Variants in NAALADL2 observed in about 807,000 individuals in gnomAD.
The protein encoded by NAALADL2 is inactive N-acetylated-alpha-linked acidic dipeptidase-like protein 2.
In NAALADL2, 76 loss-of-function variants were observed where a neutral mutation model predicts 87.2. The observed-to-expected ratio is 0.87, with a 90% CI of 0.72 to 1.05. The LOEUF is 1.05. Ranked by LOEUF, NAALADL2 falls within the 50% of genes least tolerant of loss-of-function variation. NAALADL2 has a pLI of 0.00. For missense variants in NAALADL2, 1,089 were observed against 945.8 expected, an observed-to-expected ratio of 1.15 and a Z score of -1.99; for synonymous variants, 354 against 331.0, an observed-to-expected ratio of 1.07 and a Z score of -0.75.
chr3:175,182,367 C>T (rs1001418680), intron 2 of NAALADL2, among the ~76,000 whole-genome samples: 1 of 151,538 alleles, frequency 6.6e-6, no homozygotes, highest in Non-Finnish European at 1.5e-5. Flanking sequence ...TTAATTGTTT[C>T]TTTTTTGTGC....
chr3:175,741,252 G>T (rs145983070), intron 12 of NAALADL2, among the ~76,000 whole-genome samples: 16 of 152,108 alleles, frequency 1.1e-4, no homozygotes, highest in African/African-American at 3.4e-4. Flanking sequence ...TTCACTTCCC[G>T]GTTCAAAGAT....
chr3:175,375,376 A>G (rs988723784), intron 5 of NAALADL2, among the ~76,000 whole-genome samples: 3 of 152,162 alleles, frequency 2.0e-5, no homozygotes, highest in South Asian at 2.1e-4. Context: ...TTTGGAGATG[A>G]CTGAAATACA....
intron 2 of NAALADL2, among the ~76,000 whole-genome samples, chr3:175,132,112 T>G (rs1451918374): frequency 1.0e-5 from 1 of 99,456 alleles, no homozygotes; most frequent in Non-Finnish European, 2.1e-5. Context: ...CCCGCCCGGA[T>G]GGGGCGGCTG....
chr3:174,821,811 A>C (rs575955303), intron 3 of NAALADL2, among the ~76,000 whole-genome samples: 1 of 152,306 alleles, frequency 6.6e-6, no homozygotes, highest in East Asian at 1.9e-4. Flanking sequence ...TGGGTTAACT[A>C]TCCAGATTGA....
chr3:175,542,190 C>G (rs1182182399), intron 9 of NAALADL2, among the ~76,000 whole-genome samples: 1 of 152,094 alleles, frequency 6.6e-6, no homozygotes, highest in African/African-American at 2.4e-5. Context: ...TACAAGTGAT[C>G]TCTTGCATAA....
intron 3 of NAALADL2, among the ~76,000 whole-genome samples, chr3:174,754,678 G>A (rs935389558): frequency 7.9e-5 from 12 of 151,944 alleles, no homozygotes; most frequent in African/African-American, 2.9e-4. Context: ...TGATTTGCTT[G>A]CTTAACATTA....
At chr3:175,100,986 G>A (rs1722059187) in intron 2 of NAALADL2, among the ~76,000 whole-genome samples, 1 of 152,014 alleles carries the variant, frequency 6.6e-6, no homozygotes, top group Non-Finnish European at 1.5e-5. Context: ...TGTGTTCAGA[G>A]GCCTGGGGGT....
intron 4 of NAALADL2, among the ~76,000 whole-genome samples, chr3:175,307,139 A>G (rs562328006): frequency 6.6e-6 from 1 of 152,292 alleles, no homozygotes; most frequent in South Asian, 2.1e-4. Flanking sequence ...ATCTGTAACC[A>G]TAGAAAAATC....
chr3:175,476,037 T>C (rs1222660114), intron 9 of NAALADL2, among the ~76,000 whole-genome samples: 1 of 152,210 alleles, frequency 6.6e-6, no homozygotes, highest in Admixed American at 6.5e-5. Flanking sequence ...GTTGTTGTAG[T>C]TGTAGTCGTT....
chr3:174,656,356 T>C (rs912689345), intron 2 of NAALADL2, among the ~76,000 whole-genome samples: 1 of 152,182 alleles, frequency 6.6e-6, no homozygotes, highest in Non-Finnish European at 1.5e-5. Flanking sequence ...ACAGACACTC[T>C]AGTATGACTG....
At chr3:175,525,436 C>A (rs1733256112) in intron 9 of NAALADL2, among the ~76,000 whole-genome samples, 1 of 152,112 alleles carries the variant, frequency 6.6e-6, no homozygotes, top group African/African-American at 2.4e-5. Flanking sequence ...GTGGACACAT[C>A]TAATGGGAAT....
chr3:174,805,770 A>G (rs1398079638), intron 3 of NAALADL2, among the ~76,000 whole-genome samples: 1 of 152,168 alleles, frequency 6.6e-6, no homozygotes, highest in Admixed American at 6.6e-5. Context: ...GATTACACTC[A>G]CAATTTGAAA....
chr3:175,546,819 T>C (rs1300113746), intron 9 of NAALADL2, among the ~76,000 whole-genome samples: 1 of 152,052 alleles, frequency 6.6e-6, no homozygotes, highest in African/African-American at 2.4e-5. Context: ...ATTTCAACCT[T>C]AGATAATCTG....
intron 2 of NAALADL2, among the ~76,000 whole-genome samples, chr3:174,706,596 C>A (rs1318309279): frequency 6.6e-6 from 1 of 152,148 alleles, no homozygotes; most frequent in Non-Finnish European, 1.5e-5. Context: ...TGCCTGTGCA[C>A]TCTGATGGTA....
chr3:174,700,703 T>C (rs1341636742), intron 2 of NAALADL2, among the ~76,000 whole-genome samples: 2 of 152,106 alleles, frequency 1.3e-5, no homozygotes, highest in Non-Finnish European at 2.9e-5. Context: ...AGTCAGATAA[T>C]ATACAGTAAG....
intron 8 of NAALADL2, 51 bp downstream of exon 8, chr3:175,467,235 A>G (rs1011098998): frequency 2.2e-5 from 32 of 1,460,226 alleles, no homozygotes; most frequent in Non-Finnish European, 3.0e-5. Context: ...TTAGTTTGCT[A>G]AAGTAGACAA....
chr3:174,652,506 A>G (rs1020078308), intron 2 of NAALADL2, among the ~76,000 whole-genome samples: 37 of 152,096 alleles, frequency 2.4e-4, no homozygotes, highest in Non-Finnish European at 1.8e-4. Context: ...GGCATGTCTT[A>G]CATGGCAGCA....
chr3:175,342,428 C>T (rs2148842765), intron 5 of NAALADL2, among the ~76,000 whole-genome samples: 1 of 151,950 alleles, frequency 6.6e-6, no homozygotes, highest in African/African-American at 2.4e-5. Flanking sequence ...AGGTAGTGAG[C>T]ATTATTAAAG....
At position 175,356,291 on chromosome 3, in the gene NAALADL2, A is replaced by C. The variant is rs369795350; in HGVS notation, c.1090+31966A>C. ...CAATTGCCTTCAGCCCCAAAGAAAAAAATAATATCCACCGGGCAAGGTGGC... is the reference window on the plus strand; with the variant it reads ...CAATTGCCTTCAGCCCCAAAGAAAACAATAATATCCACCGGGCAAGGTGGC... On this transcript the variant is annotated intron_variant, in intron 5 of 13. Transcript: ENST00000454872. 7.9e-5 allele frequency among the ~76,000 whole-genome samples: 12 copies of C among 152,268 alleles called. No homozygotes were observed. In the South Asian group the frequency reaches 2.1e-3, roughly 26 times the overall value.
Sources: allele counts gnomAD v4.1 joint callset (sites outside exome capture counted in the v4.1 genomes callset), GRCh38; gene constraint gnomAD v4.1.1; transcripts MANE v1.5; gene names NCBI Gene and HGNC (gene_info 2026-07-23, HGNC 2026-07-21).